The following SMIM35 variants were observed in gnomAD, a reference collection of about 807,000 sequenced individuals.
The protein encoded by SMIM35 is small integral membrane protein 35.
chr11:118,036,760 GCTC>G (rs913624460), intron 1 of SMIM35, among the ~76,000 whole-genome samples: 3 of 151,814 alleles, frequency 2.0e-5, no homozygotes, highest in African/African-American at 7.3e-5. Context: ...GCTTGCCTCT[GCTC>G]CTTTTTTTCT....
rs1404912368 is a variant in SMIM35 at position 118,073,531 on chromosome 11, C to T, written c.7+13220G>A. On this transcript the variant is annotated intron_variant, in intron 1 of 4. Transcript: ENST00000689828. ...TTAAAATACATCCAGATCAAGTCCC[C>T]GGCTGTTGTGAATGCCGAAAAGAGA... Among the ~76,000 whole-genome samples the T allele has an allele frequency of 4.6e-5, 7 of 152,254 alleles. No individual in the cohort carries two copies. The South Asian group carries it at 6.2e-4, about 14-fold the overall frequency.
At chr11:118,071,615 C>A (rs575209224) in intron 1 of SMIM35, among the ~76,000 whole-genome samples, 1 of 152,208 alleles carries the variant, frequency 6.6e-6, no homozygotes, top group Admixed American at 6.5e-5. Flanking sequence ...GAGATGTGAA[C>A]AAATGAGCCA....
At chr11:118,075,726 G>T (rs1944663794) in intron 1 of SMIM35, among the ~76,000 whole-genome samples, 1 of 152,186 alleles carries the variant, frequency 6.6e-6, no homozygotes, top group Non-Finnish European at 1.5e-5. Flanking sequence ...CTCCTGGGAG[G>T]GTCAGGTCTG....
intron 1 of SMIM35, among the ~76,000 whole-genome samples, chr11:118,032,889 C>T (rs1374303814): frequency 6.6e-6 from 1 of 152,152 alleles, no homozygotes; most frequent in Admixed American, 6.5e-5. Flanking sequence ...GCCTGGGCAA[C>T]AGAATGAGAC....
chr11:118,007,557 A>G (rs2058128517), intron 4 of SMIM35, among the ~76,000 whole-genome samples: 1 of 152,076 alleles, frequency 6.6e-6, no homozygotes. Flanking sequence ...CACCATGCCC[A>G]GCTAACTTTT....
At chr11:118,025,139 T>C (rs111226844) in intron 1 of SMIM35, among the ~76,000 whole-genome samples, 21,179 of 152,266 alleles carry the variant, frequency 0.14, 1,781 homozygotes, top group African/African-American at 0.23. Context: ...ATGGTGTATA[T>C]GTACCACATT....
chr11:118,030,075 C>G (rs967667053), intron 1 of SMIM35, among the ~76,000 whole-genome samples: 2 of 151,928 alleles, frequency 1.3e-5, no homozygotes, highest in African/African-American at 4.8e-5. Flanking sequence ...CACTCTGTCG[C>G]CCAGGCTGGA....
rs866799665 is a variant in SMIM35 at position 118,024,169 on chromosome 11, A to G, written c.8-8360T>C. The stretch of plus-strand genomic sequence containing the variant: ...ATGAGATATGGCCAACAATTTTCCA[A>G]TTTTGAAGAACCTGTCAAGTTATTT... On this transcript the variant is annotated intron_variant, in intron 1 of 4. Transcript: ENST00000689828. Among the ~76,000 whole-genome samples the G allele has an allele frequency of 7.9e-5, 12 of 152,322 alleles. No homozygotes were observed. The South Asian group carries it at 2.5e-3, about 32-fold the overall frequency.
chr11:118,038,776 C>A (rs536399513), intron 1 of SMIM35, among the ~76,000 whole-genome samples: 1 of 151,196 alleles, frequency 6.6e-6, no homozygotes, highest in East Asian at 1.9e-4. Context: ...TTAAGCAAGA[C>A]CTGAAAGATG....
In SMIM35 at chr11:118,019,364, T is replaced by C. The variant is rs540527796; in HGVS notation, c.8-3555A>G. 7.2e-5 allele frequency among the ~76,000 whole-genome samples: 11 copies of C among 152,212 alleles called. No individual in the cohort carries two copies. In the East Asian group the frequency reaches 1.7e-3, roughly 24 times the overall value. On this transcript the variant is annotated intron_variant, in intron 1 of 4. Transcript: ENST00000689828. ...AGGATTGCCTGGCTTATTGCCTGGG[T>C]GAGTTCCCCGAGTTCCAGCACAGGA...
In SMIM35 at chr11:118,036,196, T is replaced by A. The variant is rs140744269; in HGVS notation, c.8-20387A>T. On this transcript the variant is annotated intron_variant, in intron 1 of 4. Coordinates refer to ENST00000689828, the MANE Select transcript of SMIM35 (RefSeq NM_001394165.1). The stretch of plus-strand genomic sequence containing the variant: ...GCCACCATGCCTGGCCAATACGTGG[T>A]GATTTTTAAAAAACCATAAAATTGA... Among the ~76,000 whole-genome samples, 908 of 152,312 alleles carry A rather than the reference T, an allele frequency of 6.0e-3. 45 individuals carry two copies. Among genetic ancestry groups the A allele is most frequent in the Admixed American group, 0.052 (799 of 15,292 alleles).
At chr11:118,051,280 C>CA (rs1386168721) in intron 1 of SMIM35, among the ~76,000 whole-genome samples, 1 of 152,230 alleles carries the variant, frequency 6.6e-6, no homozygotes, top group African/African-American at 2.4e-5. Context: ...CTCAGGCACA[C>CA]AGCTTGCTCA....
intron 1 of SMIM35, among the ~76,000 whole-genome samples, chr11:118,069,845 T>G (rs898831130): frequency 7.2e-5 from 11 of 152,144 alleles, no homozygotes; most frequent in Non-Finnish European, 1.3e-4. Flanking sequence ...GTGGATCACC[T>G]GAGGTCAGGA....
intron 1 of SMIM35, among the ~76,000 whole-genome samples, chr11:118,030,627 C>T (rs929052831): frequency 5.3e-5 from 8 of 152,002 alleles, no homozygotes; most frequent in African/African-American, 9.7e-5. Context: ...CTGCTTAGCA[C>T]GAGATGCCTG....
chr11:118,021,051 T>TTTTTTTTTTTGTTTG (rs1046434492), intron 1 of SMIM35, among the ~76,000 whole-genome samples: 2 of 151,754 alleles, frequency 1.3e-5, no homozygotes, highest in East Asian at 3.9e-4. Flanking sequence ...GGTAAGGTTT[T>TTTTTTTTTTTGTTTG]TTTTTTTACT....
chr11:118,019,582 T>G (rs921748222), intron 1 of SMIM35, among the ~76,000 whole-genome samples: 216 of 152,370 alleles, frequency 1.4e-3, no homozygotes, highest in African/African-American at 5.0e-3. Context: ...TTGCCTATAG[T>G]GTCTTTTTTG....
chr11:118,071,772 T>G (rs1944575322), intron 1 of SMIM35, among the ~76,000 whole-genome samples: 2 of 152,166 alleles, frequency 1.3e-5, no homozygotes, highest in Non-Finnish European at 2.9e-5. Context: ...TACCCACTCC[T>G]GAGTGTGGGA....
At chr11:118,023,787 C>T (rs1182136472) in intron 1 of SMIM35, among the ~76,000 whole-genome samples, 1 of 152,098 alleles carries the variant, frequency 6.6e-6, no homozygotes, top group Non-Finnish European at 1.5e-5. Flanking sequence ...AATCCCAGCA[C>T]TTTGGGAGGC....
chr11:118,048,119 AC>A (rs1187685888), intron 1 of SMIM35, among the ~76,000 whole-genome samples: 1 of 151,860 alleles, frequency 6.6e-6, no homozygotes, highest in Admixed American at 6.6e-5. Context: ...ATTTATTTTC[AC>A]GTTTTTAAGA....
Sources: allele counts gnomAD v4.1 joint callset (sites outside exome capture counted in the v4.1 genomes callset), GRCh38; gene constraint gnomAD v4.1.1; transcripts MANE v1.5; gene names NCBI Gene and HGNC (gene_info 2026-07-23, HGNC 2026-07-21).